The following ADGRL3 variants were observed in gnomAD, a reference collection of about 807,000 sequenced individuals.
The protein encoded by ADGRL3 is adhesion G protein-coupled receptor L3, also known as calcium-independent alpha-latrotoxin receptor 3.
A neutral mutation model predicts 153.5 loss-of-function variants in ADGRL3; 62 were observed. The observed-to-expected ratio is 0.40, with a 90% confidence interval of 0.33 to 0.50. The LOEUF (loss-of-function observed/expected upper bound fraction) is 0.50, where lower values mean the gene tolerates loss of function less well. ADGRL3 is among the 20% of genes least tolerant of loss of function. The probability of loss-of-function intolerance (pLI) is 0.47; values close to 1 mark genes in which losing one functional copy is unlikely to be tolerated. For synonymous variants in ADGRL3, 710 were observed against 672.5 expected, an observed-to-expected ratio of 1.06 and a Z score of -0.86; for missense variants, 1,641 against 1,859.4, an observed-to-expected ratio of 0.88 and a Z score of 2.16.
In ADGRL3 at chr4:61,360,731, A is replaced by C. The variant is rs1313791341; in HGVS notation, c.-239-22393A>C. Among the ~76,000 whole-genome samples the C allele has an allele frequency of 3.9e-5, 6 of 152,206 alleles. No individual in the cohort carries two copies. In the South Asian group the frequency reaches 1.2e-3, roughly 31 times the overall value. On this transcript the variant is annotated intron_variant, in intron 1 of 26. Transcript: ENST00000683033. ...CACATAACGAAGGCTAAAATCCTTT[A>C]GACATTTATTATCTATTTGTCATAT... is the stretch of plus-strand genomic sequence containing the variant.
chr4:61,597,596 A>G (rs921432407), intron 5 of ADGRL3, among the ~76,000 whole-genome samples: 1 of 151,790 alleles, frequency 6.6e-6, no homozygotes, highest in Admixed American at 6.6e-5. Context: ...ATCATATTAT[A>G]ATATGATCCC....
intron 2 of ADGRL3, among the ~76,000 whole-genome samples, chr4:61,402,524 G>A (rs1269602639): frequency 6.6e-6 from 1 of 152,042 alleles, no homozygotes. Context: ...TTAATAAAGT[G>A]GTTGGAGCAT....
At chr4:62,019,010 G>A (rs2099225898) in intron 21 of ADGRL3, among the ~76,000 whole-genome samples, 1 of 152,108 alleles carries the variant, frequency 6.6e-6, no homozygotes, top group African/African-American at 2.4e-5. Context: ...CTTATCAGTG[G>A]AGCAGGAAAG....
At chr4:61,379,330 CA>C (rs2096640446) in intron 1 of ADGRL3, among the ~76,000 whole-genome samples, 1 of 151,694 alleles carries the variant, frequency 6.6e-6, no homozygotes, top group Admixed American at 6.6e-5. Context: ...ATTTAACATC[CA>C]AAAAAATTGA....
chr4:61,347,000 T>C (rs975223381), intron 1 of ADGRL3, among the ~76,000 whole-genome samples: 3 of 152,084 alleles, frequency 2.0e-5, no homozygotes, highest in Admixed American at 2.0e-4. Flanking sequence ...GGGGGCATGA[T>C]ACCTTTGCTT....
At chr4:61,371,953 C>G (rs980864202) in intron 1 of ADGRL3, among the ~76,000 whole-genome samples, 1 of 152,118 alleles carries the variant, frequency 6.6e-6, no homozygotes, top group African/African-American at 2.4e-5. Context: ...TTTCTCTAAA[C>G]TTCCGTTCTT....
At chr4:61,308,095 A>G (rs2094864339) in intron 1 of ADGRL3, among the ~76,000 whole-genome samples, 1 of 152,176 alleles carries the variant, frequency 6.6e-6, no homozygotes, top group East Asian at 1.9e-4. Flanking sequence ...CCACTTGGGA[A>G]GAAAAAGTTG....
At chr4:61,794,342 GT>G (rs1218858982) in intron 8 of ADGRL3, among the ~76,000 whole-genome samples, 2 of 152,140 alleles carry the variant, frequency 1.3e-5, no homozygotes, top group Admixed American at 1.3e-4. Context: ...ATTATTACAT[GT>G]TGTCTTTAGT....
chr4:61,921,521 C>T (rs1022846129), intron 13 of ADGRL3, among the ~76,000 whole-genome samples: 4 of 152,236 alleles, frequency 2.6e-5, no homozygotes, highest in South Asian at 2.1e-4. Context: ...CGGGTTCAAG[C>T]GCTTCTCTCC....
chr4:61,705,695 C>T (rs1018002508), intron 6 of ADGRL3, among the ~76,000 whole-genome samples: 4 of 151,894 alleles, frequency 2.6e-5, no homozygotes, highest in South Asian at 4.2e-4. Context: ...GACAGGGTTT[C>T]GCCATGTTGT....
chr4:61,612,702 G>T (rs558505017), intron 5 of ADGRL3, among the ~76,000 whole-genome samples: 1 of 152,246 alleles, frequency 6.6e-6, no homozygotes, highest in East Asian at 1.9e-4. Context: ...AAAAGTGATG[G>T]ATTTTGGCTT....
chr4:61,413,829 A>G (rs1348409969), intron 2 of ADGRL3, among the ~76,000 whole-genome samples: 1 of 152,130 alleles, frequency 6.6e-6, no homozygotes, highest in Non-Finnish European at 1.5e-5. Flanking sequence ...ATGAATCCAC[A>G]TTGTTCCATG....
intron 5 of ADGRL3, among the ~76,000 whole-genome samples, chr4:61,622,959 C>A (rs1361732588): frequency 1.3e-5 from 2 of 151,996 alleles, no homozygotes; most frequent in Non-Finnish European, 2.9e-5. Context: ...CCACCTATTT[C>A]CTCATGAGTT....
At chr4:61,909,006 C>A (rs1417671512) in intron 11 of ADGRL3, among the ~76,000 whole-genome samples, 11 of 152,102 alleles carry the variant, frequency 7.2e-5, no homozygotes, top group African/African-American at 2.7e-4. Flanking sequence ...ATACTTGAAA[C>A]TAAGCAATAG....
At chr4:62,007,439 TAC>T (rs1231669894) in intron 21 of ADGRL3, among the ~76,000 whole-genome samples, 1 of 124,060 alleles carries the variant, frequency 8.1e-6, no homozygotes, top group Non-Finnish European at 1.6e-5. Flanking sequence ...TATATATATA[TAC>T]ACACACATAT....
intron 8 of ADGRL3, among the ~76,000 whole-genome samples, chr4:61,754,776 C>G (rs900586107): frequency 2.0e-5 from 3 of 152,118 alleles, no homozygotes; most frequent in South Asian, 2.1e-4. Flanking sequence ...CCCCTCCCCC[C>G]ACACCAAAAT....
At chr4:61,658,753 C>T (rs145454366) in intron 5 of ADGRL3, among the ~76,000 whole-genome samples, 2 of 152,098 alleles carry the variant, frequency 1.3e-5, no homozygotes, top group Admixed American at 1.3e-4. Context: ...CTTTTCTACC[C>T]TCATTCATTT....
In ADGRL3 at chr4:61,909,658, C is replaced by T. The variant is rs374526766; in HGVS notation, c.1986C>T (p.Ala662=). The change falls in exon 12 of 27, where the codon GCC becomes GCT. Residue 662 remains alanine, a synonymous_variant. Coordinates refer to ENST00000683033, the MANE Select transcript of ADGRL3 (RefSeq NM_001387552.1). ...NAGDITYSVR[A]MDQLVGLLDV... is the part of the protein sequence containing the mutation. ...GGGACATCACCTACTCTGTCCGGGC[C>T]ATGGACCAGCTGGTAGGCCTCCTAG... 4 of 1,610,804 alleles carry T rather than the reference C, an allele frequency of 2.5e-6. No homozygotes were observed. Among genetic ancestry groups the T allele is most frequent in the Non-Finnish European group, 3.4e-6 (4 of 1,178,528 alleles).
At chr4:61,302,147 A>G (rs956574920) in intron 1 of ADGRL3, among the ~76,000 whole-genome samples, 2 of 152,154 alleles carry the variant, frequency 1.3e-5, no homozygotes, top group East Asian at 1.9e-4. Context: ...ATGGCAGAAG[A>G]TTGTGCTTGA....
Sources: gnomAD v4.1 joint callset for allele counts (sites outside exome capture counted in the v4.1 genomes callset) on GRCh38, gnomAD v4.1.1 for gene constraint, MANE v1.5 for transcripts, NCBI Gene and HGNC (gene_info 2026-07-23, HGNC 2026-07-21) for gene names.